Variants in PBLD observed in about 807,000 individuals in gnomAD.
PBLD encodes the protein phenazine biosynthesis-like domain-containing protein.
In PBLD, 26 loss-of-function variants were observed where a neutral mutation model predicts 31.3. The ratio of observed to expected loss-of-function variants is 0.83; its 90% CI spans 0.61 to 1.15. The LOEUF is 1.15. PBLD is among the 50% of genes most tolerant of loss of function. The probability of loss-of-function intolerance (pLI) is 0.00; values close to 1 mark genes in which losing one functional copy is unlikely to be tolerated. For missense variants in PBLD, 307 were observed against 351.7 expected, an observed-to-expected ratio of 0.87 and a Z score of 1.02; for synonymous variants, 114 against 129.0, an observed-to-expected ratio of 0.88 and a Z score of 0.79.
chr10:68,316,623 T>A (rs1303020968), intron 1 of PBLD, among the ~76,000 whole-genome samples: 71 of 152,086 alleles, frequency 4.7e-4, no homozygotes, highest in Non-Finnish European at 1.5e-5. Flanking sequence ...AAAACATTAA[T>A]CTATGCAGCA....
At chr10:68,304,108 T>G (rs1240195672) in intron 2 of PBLD, among the ~76,000 whole-genome samples, 1 of 152,198 alleles carries the variant, frequency 6.6e-6, no homozygotes, top group Non-Finnish European at 1.5e-5. Flanking sequence ...TTTATTTGTC[T>G]CTGACATTTT....
intron 2 of PBLD, among the ~76,000 whole-genome samples, chr10:68,298,833 G>C (rs534491672): frequency 6.6e-6 from 1 of 151,704 alleles, no homozygotes; most frequent in Non-Finnish European, 1.5e-5. Flanking sequence ...CCAGCTGGGC[G>C]TGGTGGCTCA....
chr10:68,309,406 C>CAAAAAAAAAAAAAAAAAAAAAAA, intron 1 of PBLD, among the ~76,000 whole-genome samples: 1 of 114,706 alleles, frequency 8.7e-6, no homozygotes, highest in Non-Finnish European at 1.6e-5. Flanking sequence ...GATTATGTTT[C>CAAAAAAAAAAAAAAAAAAAAAAA]AAAAAAAAAA....
chr10:68,288,852 A>G lies in PBLD; in HGVS notation c.512+79T>C. On this transcript the variant is annotated intron_variant, in intron 7 of 9. Coordinates refer to ENST00000358769, the MANE Select transcript of PBLD (RefSeq NM_022129.4). ...CGTAAATCATGGTTTGACTGGACACAGCACAGCCAGACTAAGGAAGAGCTA... is the reference window on the plus strand; with the variant it reads ...CGTAAATCATGGTTTGACTGGACACGGCACAGCCAGACTAAGGAAGAGCTA... The G allele has an allele frequency of 3.5e-6, 5 of 1,415,802 alleles. No homozygotes were observed. The South Asian group carries it at 5.9e-5, about 17-fold the overall frequency. 87.7% of individuals were successfully genotyped at this position (1,415,802 alleles called of 1,614,324 possible). A position where few individuals can be genotyped will look rare whatever the true frequency, so the allele number is the denominator to read the frequency against.
chr10:68,288,514 C>T lies in PBLD; in HGVS notation c.660G>A (p.Pro220=), dbSNP rs139579335. The change falls in exon 8 of 10, where the codon CCG becomes CCA. Residue 220 remains proline (P), a synonymous_variant. Coordinates refer to ENST00000358769, the MANE Select transcript of PBLD (RefSeq NM_022129.4). ...CTGGGTCTTCAGCCACACCAACCCA[C>T]GGTGCAAAATATCTTGAGTAAAAGT... ...AFDFYSRYFA[P]WVGVAEDPVT... is the part of the protein sequence containing the mutation. The T allele has an allele frequency of 1.3e-4, 210 of 1,614,060 alleles. No individual in the cohort carries two copies. The highest frequency in any genetic ancestry group is 2.2e-4 in the Admixed American group (13 of 59,980).
At chr10:68,296,008 C>G (rs2044421892) in intron 4 of PBLD, 1 of 291,586 alleles carries the variant, frequency 3.4e-6, no homozygotes, top group South Asian at 1.5e-4. Context: ...CTTTGTAGAC[C>G]AGAAAGTAAA....
intron 2 of PBLD, among the ~76,000 whole-genome samples, chr10:68,304,650 GGAGT>G (rs2044552380): frequency 6.6e-6 from 1 of 152,228 alleles, no homozygotes; most frequent in Admixed American, 6.5e-5. Flanking sequence ...GGAAATAAAA[GGAGT>G]AAGTTGGACA....
intron 1 of PBLD, among the ~76,000 whole-genome samples, chr10:68,319,345 A>G (rs940535163): frequency 2.0e-5 from 3 of 152,190 alleles, no homozygotes; most frequent in Non-Finnish European, 2.9e-5. Flanking sequence ...AAGTGCTTAA[A>G]CTCTCCAAAC....
At chr10:68,312,180 C>T (rs116849907) in intron 1 of PBLD, among the ~76,000 whole-genome samples, 3 of 152,338 alleles carry the variant, frequency 2.0e-5, no homozygotes, top group East Asian at 3.9e-4. Context: ...ATTTCTTCAA[C>T]GTACTGTGTT....
In PBLD at chr10:68,316,494, C is replaced by G. The variant is rs117836223; in HGVS notation, c.-59-9591G>C. ...AAAATTATAAGAGCCTCAGAGATCT[C>G]TGGGACATCATCAAGTATACCACTA... On this transcript the variant is annotated intron_variant, in intron 1 of 9. Coordinates refer to ENST00000358769, the MANE Select transcript of PBLD (RefSeq NM_022129.4). 5.2e-3 allele frequency among the ~76,000 whole-genome samples: 795 copies of G among 152,258 alleles called. 4 individuals are homozygous for G. The highest frequency in any genetic ancestry group is 0.027 in the Middle Eastern group (8 of 294).
chr10:68,289,979 T>C (rs148413954), intron 6 of PBLD, among the ~76,000 whole-genome samples: 1 of 152,230 alleles, frequency 6.6e-6, no homozygotes, highest in East Asian at 1.9e-4. Flanking sequence ...TAACATAACA[T>C]GTTCTCAAGA....
chr10:68,330,655 C>G (rs2045029840), intron 1 of PBLD, among the ~76,000 whole-genome samples: 1 of 151,760 alleles, frequency 6.6e-6, no homozygotes, highest in African/African-American at 2.4e-5. Context: ...ACGCCATTCT[C>G]CTGCCTCAGC....
At chr10:68,317,401 A>G (rs2044749609) in intron 1 of PBLD, among the ~76,000 whole-genome samples, 1 of 152,200 alleles carries the variant, frequency 6.6e-6, no homozygotes, top group Non-Finnish European at 1.5e-5. Flanking sequence ...CAAATGGCCA[A>G]TAAGCACATG....
intron 2 of PBLD, among the ~76,000 whole-genome samples, chr10:68,305,251 A>T (rs2044559882): frequency 6.7e-6 from 1 of 148,370 alleles, no homozygotes; most frequent in Non-Finnish European, 1.5e-5. Context: ...AAAAAACGAC[A>T]TTCCGCTCAT....
chr10:68,285,422 T>C lies in PBLD; in HGVS notation c.692-12A>G. On this transcript the variant is annotated splice_polypyrimidine_tract_variant and intron_variant, in intron 8 of 9. Transcript: ENST00000358769. ...AGCGTGTGCAGACCCTCAAAAGAAG[T>C]GAAAAGTTAGGAGACAATCCCCAAG... The C allele has an allele frequency of 6.3e-7, 1 of 1,590,058 alleles. No individual in the cohort carries two copies.
chr10:68,321,723 A>G (rs1417710983), intron 1 of PBLD, among the ~76,000 whole-genome samples: 1 of 152,226 alleles, frequency 6.6e-6, no homozygotes, highest in African/African-American at 2.4e-5. Context: ...CAAAAAAATA[A>G]ATAAAAAGGA....
chr10:68,318,614 G>A (rs938852329), intron 1 of PBLD, among the ~76,000 whole-genome samples: 2 of 151,876 alleles, frequency 1.3e-5, no homozygotes, highest in Admixed American at 1.3e-4. Flanking sequence ...TGAATGGCAA[G>A]AAAGTCACAA....
At chr10:68,327,415 C>A (rs2044939764) in intron 1 of PBLD, among the ~76,000 whole-genome samples, 1 of 151,772 alleles carries the variant, frequency 6.6e-6, no homozygotes, top group East Asian at 1.9e-4. Flanking sequence ...CGCTGTGGCT[C>A]ACGCCTGTAA....
intron 1 of PBLD, among the ~76,000 whole-genome samples, chr10:68,310,351 TATA>T (rs2044648508): frequency 8.2e-6 from 1 of 122,178 alleles, no homozygotes; most frequent in African/African-American, 3.2e-5. Flanking sequence ...TCATGTACAA[TATA>T]ATGTTTTGAA....
Sources: allele counts gnomAD v4.1 joint callset (sites outside exome capture counted in the v4.1 genomes callset), GRCh38; gene constraint gnomAD v4.1.1; transcripts MANE v1.5; gene names NCBI Gene and HGNC (gene_info 2026-07-23, HGNC 2026-07-21).